TSHZ3: variants seen among roughly 807,000 people sequenced by gnomAD.
TSHZ3 encodes teashirt homolog 3.
In TSHZ3, 10 loss-of-function variants were observed where a neutral mutation model predicts 64.5. The observed-to-expected ratio is 0.16, with a 90% confidence interval of 0.10 to 0.26. The LOEUF is 0.26. Ranked by LOEUF, TSHZ3 falls within the 10% of genes least tolerant of loss-of-function variation. The pLI is 1.00. For missense variants in TSHZ3, 1,242 were observed against 1,421.7 expected (o/e 0.87, Z 2.03); for synonymous variants, 608 against 593.1 (o/e 1.03, Z -0.36).
chr19:31,257,716 G>A (rs984451543), intron 1 of TSHZ3, among the ~76,000 whole-genome samples: 10 of 152,204 alleles, frequency 6.6e-5, no homozygotes, highest in Admixed American at 2.6e-4. Context: ...GGGAAGACGC[G>A]AGGGGCTTGT....
rs530416393 is a variant in TSHZ3 at position 31,241,777 on chromosome 19, C to T, written n.550+492G>A. Among the ~76,000 whole-genome samples the T allele has an allele frequency of 4.6e-5, 7 of 152,368 alleles. 1 individual carries two copies. In the South Asian group the frequency reaches 1.2e-3, roughly 27 times the overall value. On this transcript the variant is annotated intron_variant and non_coding_transcript_variant, in intron 3 of 6. Transcript: ENST00000651361. ...AGGGGACTGAATGACCAGAAATCTC[C>T]TCACATGAGCTTCCCTTCTCTCTGA... is the stretch of plus-strand genomic sequence containing the variant.
intron 4 of TSHZ3, among the ~76,000 whole-genome samples, chr19:31,213,356 C>CAA (rs35192337): frequency 0.12 from 2,836 of 23,288 alleles, 1,174 homozygotes; most frequent in Middle Eastern, 0.21. Context: ...GACTCTGTCT[C>CAA]AAAAAAAAAA....
chr19:31,257,226 G>T, intron 1 of TSHZ3, among the ~76,000 whole-genome samples: 1 of 152,168 alleles, frequency 6.6e-6, no homozygotes, highest in East Asian at 1.9e-4. Flanking sequence ...TCAGGGTGGC[G>T]AGGGAGCAGG....
chr19:31,224,913 C>G (rs1975440281), intron 4 of TSHZ3, among the ~76,000 whole-genome samples: 1 of 152,150 alleles, frequency 6.6e-6, no homozygotes, highest in South Asian at 2.1e-4. Flanking sequence ...AATTACCAGC[C>G]AGGATGAACA....
Position 31,278,179 on chromosome 19 carries a change from C to T in TSHZ3, c.1614G>A (p.Gln538=), listed in dbSNP as rs866557111. Reference sequence around the variant, plus strand: ...AGCCCCCCCAGCTAGGAGTGCCGTTCTGGGCCTTGTTGATTGCGGATGTCA... The same window carrying T: ...AGCCCCCCCAGCTAGGAGTGCCGTTTTGGGCCTTGTTGATTGCGGATGTCA... ...NTVTSAINKA[Q]NGTPSWGGYP... Residue 538 remains glutamine (Q), a synonymous_variant, in exon 2 of 2, where the codon CAG becomes CAA. Coordinates refer to ENST00000240587, the MANE Select transcript of TSHZ3 (RefSeq NM_020856.4). The surrounding 1 kb of genome is among the most constrained non-coding windows in gnomAD (Gnocchi z 4.7). 6.8e-6 allele frequency: 11 copies of T among 1,614,184 alleles called. No individual in the cohort carries two copies. Among genetic ancestry groups the T allele is most frequent in the Middle Eastern group, 1.6e-4 (1 of 6,062 alleles).
chr19:31,191,935 C>G (rs891453711), intron 5 of TSHZ3, among the ~76,000 whole-genome samples: 1 of 152,100 alleles, frequency 6.6e-6, no homozygotes, highest in Non-Finnish European at 1.5e-5. Context: ...AGATATCTGA[C>G]TGCTTACACT....
intron 1 of TSHZ3, among the ~76,000 whole-genome samples, chr19:31,280,847 G>A (rs2081480175): frequency 6.6e-6 from 1 of 152,196 alleles, no homozygotes; most frequent in South Asian, 2.1e-4. Flanking sequence ...ATGCAACAGG[G>A]TGTTTTTTTT....
chr19:31,343,207 T>C (rs1173560409), intron 1 of TSHZ3, among the ~76,000 whole-genome samples: 1 of 152,330 alleles, frequency 6.6e-6, no homozygotes, highest in Middle Eastern at 3.4e-3. Flanking sequence ...ATTAATAACA[T>C]GTGTCCTGAC....
rs1976302383 is a variant in TSHZ3 at position 31,278,746 on chromosome 19, G to A, written c.1047C>T (p.Asn349=). 5 of 1,614,078 alleles carry A rather than the reference G, an allele frequency of 3.1e-6. No homozygotes were observed. Among genetic ancestry groups the A allele is most frequent in the South Asian group, 1.1e-5 (1 of 91,088 alleles). ...GTPKATISDT[N]DALQKNSNPY... is the part of the protein sequence containing the mutation. Reference sequence around the variant, plus strand: ...GGTTGGAGTTCTTCTGAAGTGCATCGTTGGTGTCTGAGATGGTGGCTTTGG... The same window carrying A: ...GGTTGGAGTTCTTCTGAAGTGCATCATTGGTGTCTGAGATGGTGGCTTTGG... The change falls in exon 2 of 2, where the codon AAC becomes AAT. Residue 349 remains asparagine (N), a synonymous_variant. Coordinates refer to ENST00000240587, the MANE Select transcript of TSHZ3 (RefSeq NM_020856.4). This position sits in a 1 kb window ranked among gnomAD's most constrained non-coding sequence, Gnocchi z 4.7.
chr19:31,196,759 G>A (rs1473812186), intron 5 of TSHZ3, among the ~76,000 whole-genome samples: 2 of 151,956 alleles, frequency 1.3e-5, no homozygotes, highest in Non-Finnish European at 2.9e-5. Flanking sequence ...CTCCAAGAAG[G>A]CATAACAATC....
intron 1 of TSHZ3, among the ~76,000 whole-genome samples, chr19:31,335,773 GTCTC>G (rs1157267564): frequency 6.6e-6 from 1 of 152,188 alleles, no homozygotes; most frequent in Non-Finnish European, 1.5e-5. Context: ...GCTTATCTGG[GTCTC>G]TCTCTACATA....
intron 4 of TSHZ3, among the ~76,000 whole-genome samples, chr19:31,222,468 T>G (rs562771788): frequency 1.1e-4 from 17 of 152,330 alleles, no homozygotes; most frequent in African/African-American, 4.1e-4. Context: ...GGAAAAACTT[T>G]CAAAGGCTCT....
intron 1 of TSHZ3, among the ~76,000 whole-genome samples, chr19:31,346,694 C>A (rs1480149484): frequency 6.6e-6 from 1 of 152,018 alleles, no homozygotes; most frequent in Non-Finnish European, 1.5e-5. Context: ...TCCCAGTATG[C>A]CACAAAAGCT....
chr19:31,150,319 G>A (rs998539190), exon 7 of TSHZ3, among the ~76,000 whole-genome samples: 1 of 152,186 alleles, frequency 6.6e-6, no homozygotes, highest in Non-Finnish European at 1.5e-5. Flanking sequence ...TGGGCAAAGC[G>A]ATGCTGATGG....
At chr19:31,306,677 T>C (rs1377312045) in intron 1 of TSHZ3, among the ~76,000 whole-genome samples, 1 of 152,158 alleles carries the variant, frequency 6.6e-6, no homozygotes, top group East Asian at 1.9e-4. Flanking sequence ...TATAACATAA[T>C]ACACTGGAGA....
chr19:31,337,788 T>C (rs1197829793), intron 1 of TSHZ3, among the ~76,000 whole-genome samples: 4 of 151,630 alleles, frequency 2.6e-5, no homozygotes, highest in Non-Finnish European at 5.9e-5. Flanking sequence ...ATCAGTACCA[T>C]TTCCATTTCT....
intron 1 of TSHZ3, among the ~76,000 whole-genome samples, chr19:31,252,406 A>C (rs1975855152): frequency 6.6e-6 from 1 of 152,150 alleles, no homozygotes; most frequent in Non-Finnish European, 1.5e-5. Context: ...TGATCTTCAC[A>C]TCTCCAGACA....
intron 5 of TSHZ3, among the ~76,000 whole-genome samples, chr19:31,174,263 A>G (rs1974578079): frequency 2.0e-5 from 3 of 152,178 alleles, no homozygotes; most frequent in Non-Finnish European, 4.4e-5. Flanking sequence ...TCGAGACCCA[A>G]GAAGAGCAGA....
chr19:31,286,759 T>C (rs4805667), intron 1 of TSHZ3, among the ~76,000 whole-genome samples: 30,521 of 151,782 alleles, frequency 0.2, 3,551 homozygotes, highest in East Asian at 0.34. Context: ...AATTCCCCCA[T>C]TGGGATCCAC....
Sources: allele counts gnomAD v4.1 joint callset (sites outside exome capture counted in the v4.1 genomes callset), GRCh38; gene constraint gnomAD v4.1.1; non-coding constraint Gnocchi (gnomAD v3.1); transcripts MANE v1.5; gene names NCBI Gene and HGNC (gene_info 2026-07-23, HGNC 2026-07-21).